The following BNIP5 variants were observed in gnomAD, a reference collection of about 807,000 sequenced individuals.
The protein encoded by BNIP5 is protein BNIP5.
In BNIP5, 61 loss-of-function variants were observed where a neutral mutation model predicts 67.3. The ratio of observed to expected loss-of-function variants is 0.91; its 90% CI spans 0.74 to 1.12. BNIP5 has a LOEUF of 1.12. BNIP5 is among the 50% of genes most tolerant of loss of function. The pLI, the probability that BNIP5 is intolerant of heterozygous loss-of-function variation, is 0.00. For synonymous variants in BNIP5, 317 were observed against 319.0 expected (o/e 0.99, Z 0.07); for missense variants, 826 against 816.3 (o/e 1.01, Z -0.14).
intron 1 of BNIP5, among the ~76,000 whole-genome samples, chr6:36,331,865 G>C (rs968562416): frequency 1.3e-5 from 2 of 151,800 alleles, no homozygotes; most frequent in Non-Finnish European, 2.9e-5. Context: ...CCCATCAGCA[G>C]AGCCTGTTGG....
Position 36,322,459 on chromosome 6 carries a change from G to A in BNIP5, c.1472-17C>T, listed in dbSNP as rs759876580. On this transcript the variant is annotated splice_polypyrimidine_tract_variant and intron_variant, in intron 8 of 11. Coordinates refer to ENST00000437635, the MANE Select transcript of BNIP5 (RefSeq NM_001010903.5). The stretch of plus-strand genomic sequence containing the variant: ...CTTCTGGATCTAGGGCAAAAAAAGA[G>A]TTGTTGAGTGTTTTGCAGAGAGCTG... 2.5e-6 allele frequency: 4 copies of A among 1,608,884 alleles called. No individual in the cohort carries two copies. The Admixed American group carries it at 6.7e-5, about 27-fold the overall frequency.
At chr6:36,322,092 C>T (rs1771648372) in intron 9 of BNIP5, among the ~76,000 whole-genome samples, 1 of 152,120 alleles carries the variant, frequency 6.6e-6, no homozygotes, top group African/African-American at 2.4e-5. Flanking sequence ...AATTATATTC[C>T]ACAGGATAGA....
At chr6:36,320,579 T>C (rs1019635512) in intron 10 of BNIP5, among the ~76,000 whole-genome samples, 3 of 152,266 alleles carry the variant, frequency 2.0e-5, no homozygotes, top group Non-Finnish European at 4.4e-5. Flanking sequence ...GAGCGTCCGC[T>C]ATGCTGATTA....
At chr6:36,321,795 C>G (rs1038663452) in intron 9 of BNIP5, among the ~76,000 whole-genome samples, 5 of 152,216 alleles carry the variant, frequency 3.3e-5, no homozygotes, top group Non-Finnish European at 5.9e-5. Flanking sequence ...GCAACCTCGG[C>G]CTCCTGGGTT....
At chr6:36,318,935 T>G (rs1326053654) in intron 11 of BNIP5, among the ~76,000 whole-genome samples, 1 of 152,174 alleles carries the variant, frequency 6.6e-6, no homozygotes. Context: ...CTTGTCTATC[T>G]CAGCCACCCC....
chr6:36,333,906 A>G (rs530273273), intron 1 of BNIP5, among the ~76,000 whole-genome samples: 39 of 152,350 alleles, frequency 2.6e-4, no homozygotes, highest in African/African-American at 9.1e-4. Flanking sequence ...GTTCATTAAC[A>G]AAACCACAGA....
At chr6:36,319,267 G>A (rs1021373899) in intron 11 of BNIP5, 89 bp downstream of exon 11, 7 of 1,502,774 alleles carry the variant, frequency 4.7e-6, no homozygotes, top group Non-Finnish European at 6.4e-6. Flanking sequence ...GGGGAGGGGA[G>A]AGGAGGATAA....
intron 1 of BNIP5, 50 bp from the exon 2 acceptor site, chr6:36,330,744 ATTTGT>A: frequency 1.3e-6 from 2 of 1,509,432 alleles, no homozygotes; most frequent in South Asian, 1.3e-5. Flanking sequence ...GTTTGTTTTG[ATTTGT>A]TTGTTTGTTT....
chr6:36,331,492 A>G (rs1389655706), intron 1 of BNIP5, among the ~76,000 whole-genome samples: 2 of 152,054 alleles, frequency 1.3e-5, no homozygotes, highest in African/African-American at 4.8e-5. Context: ...CCTGCCCCTC[A>G]CTAGCCTTGG....
In BNIP5 at chr6:36,322,305, A is replaced by G. The variant is rs536557935; in HGVS notation, c.1603+6T>C. ...CTGTCCAGGTAAGAGCAGGGGTGTT[A>G]CTGACTAGATTCACATGCTCCACTC... On this transcript the variant is annotated splice_donor_region_variant and intron_variant, in intron 9 of 11. Coordinates refer to ENST00000437635, the MANE Select transcript of BNIP5 (RefSeq NM_001010903.5). 6.2e-7 allele frequency: 1 copy of G among 1,614,040 alleles called. No homozygotes were observed. The highest frequency in any genetic ancestry group is 1.3e-5 in the African/African-American group (1 of 75,032).
At position 36,326,556 on chromosome 6, in the gene BNIP5, C is replaced by T; in HGVS notation, c.990G>A (p.Leu330=). 1 of 1,614,264 alleles carries T rather than the reference C, an allele frequency of 6.2e-7. No individual in the cohort carries two copies. The highest frequency in any genetic ancestry group is 1.1e-5 in the South Asian group (1 of 91,090). Residue 330 remains leucine, a synonymous_variant, in exon 5 of 12, where the codon CTG becomes CTA. Transcript: ENST00000437635. ...EAWPPKKSSF[L]PLCVSGHRPS... ...GCCGATGGCCGCTGACACACAGGGG[C>T]AGAAAGCTGGACTTCTTGGGTGGCC...
intron 2 of BNIP5, 32 bp downstream of exon 2, chr6:36,330,049 G>T: frequency 1.3e-6 from 2 of 1,557,530 alleles, no homozygotes; most frequent in Non-Finnish European, 1.7e-6. Flanking sequence ...GCACCCTAGG[G>T]GTTGCCATAG....
At position 36,320,468 on chromosome 6, in the gene BNIP5, C is replaced by CA. The variant is rs759800034; in HGVS notation, c.1668+686dup. ...AGTGGAGGCTGTTAATTCTGCCCCCCACATGAGTTGCAAAATGGCCCTGGG... is the reference window on the plus strand; with the variant it reads ...AGTGGAGGCTGTTAATTCTGCCCCCCAACATGAGTTGCAAAATGGCCCTGGG... On this transcript the variant is annotated intron_variant, in intron 10 of 11. Coordinates refer to ENST00000437635, the MANE Select transcript of BNIP5 (RefSeq NM_001010903.5). Among the ~76,000 whole-genome samples the CA allele has an allele frequency of 4.6e-5, 7 of 152,222 alleles. 1 individual carries two copies. The East Asian group carries it at 1.2e-3, about 25-fold the overall frequency.
At chr6:36,324,674 G>A (rs1771723314) in intron 6 of BNIP5, among the ~76,000 whole-genome samples, 1 of 110,120 alleles carries the variant, frequency 9.1e-6, no homozygotes, top group Non-Finnish European at 1.7e-5. Flanking sequence ...TCTGCCAATG[G>A]TAAAATAATA....
intron 10 of BNIP5, among the ~76,000 whole-genome samples, chr6:36,320,582 G>A (rs972258478): frequency 4.6e-5 from 7 of 152,246 alleles, no homozygotes; most frequent in African/African-American, 1.7e-4. Context: ...CGTCCGCTAT[G>A]CTGATTACTC....
At chr6:36,322,558 G>C (rs2127364206) in intron 8 of BNIP5, 116 bp from the exon 9 acceptor site, 1 of 1,142,164 alleles carries the variant, frequency 8.8e-7, no homozygotes, top group East Asian at 2.4e-5. Context: ...TCCTCGGTGA[G>C]TTTCCTGCCC....
intron 10 of BNIP5, 35 bp downstream of exon 10, chr6:36,321,120 T>C (rs1218836714): frequency 7.1e-7 from 1 of 1,400,774 alleles, no homozygotes; most frequent in Non-Finnish European, 9.8e-7. Context: ...GATGAGGCCC[T>C]GGGGTTGGCC....
At chr6:36,317,992 A>G (rs1050198249) in intron 11 of BNIP5, among the ~76,000 whole-genome samples, 3 of 152,248 alleles carry the variant, frequency 2.0e-5, no homozygotes, top group Non-Finnish European at 4.4e-5. Context: ...CTAGGAGAAG[A>G]CAGTGAAGCC....
chr6:36,330,825 GCT>G, intron 1 of BNIP5, 131 bp from the exon 2 acceptor site: 2 of 1,190,118 alleles, frequency 1.7e-6, no homozygotes, highest in Admixed American at 3.0e-5. Context: ...GTGCAGTGGC[GCT>G]ATCTCAGCTC....
Sources: allele counts gnomAD v4.1 joint callset (sites outside exome capture counted in the v4.1 genomes callset), GRCh38; gene constraint gnomAD v4.1.1; transcripts MANE v1.5; gene names NCBI Gene and HGNC (gene_info 2026-07-23, HGNC 2026-07-21).